STAB2: variants seen among roughly 807,000 people sequenced by gnomAD.
The protein encoded by STAB2 is stabilin-2.
STAB2 carries 288 observed loss-of-function variants against 338.1 expected under a neutral mutation model. That is an observed-to-expected ratio of 0.85 (90% CI 0.77 to 0.94). The LOEUF is 0.94. Ranked by LOEUF, STAB2 falls within the 40% of genes least tolerant of loss-of-function variation. STAB2 has a pLI of 0.00. For synonymous variants in STAB2, 1,202 were observed against 1,193.3 expected (o/e 1.01, Z -0.15); for missense variants, 3,141 against 3,210.1 (o/e 0.98, Z 0.52).
intron 1 of STAB2, among the ~76,000 whole-genome samples, chr12:103,588,566 A>G (rs1956748853): frequency 6.6e-6 from 1 of 152,222 alleles, no homozygotes; most frequent in African/African-American, 2.4e-5. Context: ...ATCAGACCTT[A>G]ACTAATTTAA....
intron 3 of STAB2, 126 bp downstream of exon 3, chr12:103,594,636 G>A (rs1956849638): frequency 1.4e-6 from 1 of 740,532 alleles, no homozygotes; most frequent in Non-Finnish European, 2.3e-6. Flanking sequence ...TTCTGTGTTA[G>A]TCTATATGTA....
rs780383248 is a variant in STAB2 at position 103,713,752 on chromosome 12, TG to T, written c.4523del (p.Gly1508AlafsTer53). 2 of 1,613,910 alleles carry T rather than the reference TG, an allele frequency of 1.2e-6. No individual in the cohort carries two copies. The highest frequency in any genetic ancestry group is 1.7e-6 in the Non-Finnish European group (2 of 1,179,856). ...CGTGCAAAGCAGGCTACACGGGTGA[TG>T]GCATTGTGTGCCTGGGTAGGTGTCC... ...CTCKAGYTGD[G>X]IVCLEINPCL... On this transcript the variant is annotated frameshift_variant, in exon 42 of 69. Coordinates refer to ENST00000388887, the MANE Select transcript of STAB2 (RefSeq NM_017564.10). LOFTEE classifies it high-confidence loss of function.
chr12:103,666,354 G>T lies in STAB2; in HGVS notation c.2085+1G>T, dbSNP rs753789435. The T allele has an allele frequency of 6.2e-7, 1 of 1,614,192 alleles. No individual in the cohort carries two copies. The highest frequency in any genetic ancestry group is 8.5e-7 in the Non-Finnish European group (1 of 1,180,018). Reference sequence around the variant, plus strand: ...ATGTCCTGCTAACTCTGAGCCCACAGTGAGTGTGACAGCTTCATGAAAGCA... The same window carrying T: ...ATGTCCTGCTAACTCTGAGCCCACATTGAGTGTGACAGCTTCATGAAAGCA... On this transcript the variant is annotated splice_donor_variant, in intron 19 of 68. Coordinates refer to ENST00000388887, the MANE Select transcript of STAB2 (RefSeq NM_017564.10). LOFTEE classifies it high-confidence loss of function.
chr12:103,746,479 G>C, intron 57 of STAB2, 118 bp from the exon 58 acceptor site: 1 of 876,156 alleles, frequency 1.1e-6, no homozygotes, highest in South Asian at 1.5e-5. Flanking sequence ...TCTTCCTGCT[G>C]TACAGGGGCA....
Position 103,739,568 on chromosome 12 carries a change from T to TGC in STAB2, c.5754+101_5754+102insCG, listed in dbSNP as rs1256552556. The TGC allele has an allele frequency of 5.2e-6, 4 of 771,166 alleles. No individual in the cohort carries two copies. The East Asian group carries it at 1.1e-4, about 21-fold the overall frequency. 47.8% of individuals were successfully genotyped at this position (771,166 alleles called of 1,614,324 possible). A position where few individuals can be genotyped will look rare whatever the true frequency, so the allele number is the denominator to read the frequency against. On this transcript the variant is annotated intron_variant, in intron 54 of 68. Coordinates refer to ENST00000388887, the MANE Select transcript of STAB2 (RefSeq NM_017564.10). ...GTGTGTGTGTGTGTGTGTGTGTGTGTGTGTGCCCGTGCACGTATGTTGCAT... is the reference window on the plus strand; with the variant it reads ...GTGTGTGTGTGTGTGTGTGTGTGTGTGCGTGTGCCCGTGCACGTATGTTGCAT...
intron 23 of STAB2, among the ~76,000 whole-genome samples, chr12:103,675,602 G>A (rs1017247876): frequency 6.6e-6 from 1 of 152,246 alleles, no homozygotes; most frequent in Admixed American, 6.5e-5. Flanking sequence ...TCTGCTAAAC[G>A]CTCAGTGTGC....
chr12:103,713,700 G>C lies in STAB2; in HGVS notation c.4469G>C (p.Arg1490Thr). 6.2e-7 allele frequency: 1 copy of C among 1,614,112 alleles called. No homozygotes were observed. The highest frequency in any genetic ancestry group is 1.1e-5 in the South Asian group (1 of 91,078). ...TGCTCTGCCAAGGCTGACTGTAAGA[G>C]AACCACCCCAGGAAGGCGAGTGTGC... is the stretch of plus-strand genomic sequence containing the variant. ...GGCSAKADCK[R>T]TTPGRRVCTC... Residue 1490 changes from arginine (R) to threonine (T), a missense_variant, in exon 42 of 69, where the codon AGA becomes ACA. Coordinates refer to ENST00000388887, the MANE Select transcript of STAB2 (RefSeq NM_017564.10).
chr12:103,724,006 G>C (rs536824900), intron 44 of STAB2, among the ~76,000 whole-genome samples: 1 of 152,146 alleles, frequency 6.6e-6, no homozygotes, highest in African/African-American at 2.4e-5. Context: ...TGGGGACAGG[G>C]GTGGTAGAGG....
intron 33 of STAB2, among the ~76,000 whole-genome samples, chr12:103,696,263 G>C (rs895773760): frequency 3.9e-5 from 6 of 152,114 alleles, no homozygotes; most frequent in African/African-American, 9.7e-5. Flanking sequence ...TGGGAGAAAA[G>C]AGTGGGCTCA....
chr12:103,675,812 A>T, intron 23 of STAB2, 116 bp from the exon 24 acceptor site: 1 of 732,576 alleles, frequency 1.4e-6, no homozygotes, highest in South Asian at 1.9e-5. Flanking sequence ...GGCTTCCTCC[A>T]CAGGAGCAAA....
chr12:103,625,433 A>G (rs112993553), intron 5 of STAB2, among the ~76,000 whole-genome samples: 13,540 of 152,242 alleles, frequency 0.089, 890 homozygotes, highest in Non-Finnish European at 0.13. Context: ...ATATGTGTAC[A>G]TGTGCAATGT....
chr12:103,606,799 A>G (rs1441684876), intron 3 of STAB2, among the ~76,000 whole-genome samples: 1 of 152,188 alleles, frequency 6.6e-6, no homozygotes, highest in Non-Finnish European at 1.5e-5. Context: ...CCTGGCTAAC[A>G]TGGTGAAACC....
intron 27 of STAB2, among the ~76,000 whole-genome samples, chr12:103,685,451 TGTGCGCGTGCGTGTGTGTGTGC>T (rs1037115666): frequency 3.6e-5 from 5 of 138,046 alleles, no homozygotes; most frequent in East Asian, 5.2e-4. Context: ...TGTGTGTGTG[TGTGCGCGTGCGTGTGTGTGTGC>T]GTGCGCGCAT....
At chr12:103,635,275 T>C (rs934429908) in intron 6 of STAB2, among the ~76,000 whole-genome samples, 1 of 152,216 alleles carries the variant, frequency 6.6e-6, no homozygotes, top group Admixed American at 6.5e-5. Context: ...CTCGTGATAA[T>C]GGAGCTGGGC....
At chr12:103,688,253 T>C (rs1393317994) in intron 28 of STAB2, 38 bp downstream of exon 28, 6 of 1,602,050 alleles carry the variant, frequency 3.7e-6, no homozygotes, top group Non-Finnish European at 5.1e-6. Flanking sequence ...TGGGAATGTA[T>C]ATATTTTAGA....
chr12:103,740,632 T>G lies in STAB2; in HGVS notation c.5757T>G (p.Gly1919=), dbSNP rs1362121112. 6.2e-7 allele frequency: 1 copy of G among 1,611,324 alleles called. No homozygotes were observed. The highest frequency in any genetic ancestry group is 1.7e-5 in the Admixed American group (1 of 59,618). ...PSCPRWSKPK[G]VKQKCLYNLP... is the part of the protein sequence containing the mutation. ...GATGGTCCACTCTCTTCCCTTAGGG[T>G]GTGAAGCAGAAGTGTCTCTACAACC... The change falls in exon 55 of 69, where the codon GGT becomes GGG. Residue 1919 remains glycine (G), a splice_region_variant and synonymous_variant. Transcript: ENST00000388887.
At chr12:103,660,048 G>T (rs1874476317) in intron 15 of STAB2, among the ~76,000 whole-genome samples, 1 of 152,090 alleles carries the variant, frequency 6.6e-6, no homozygotes, top group South Asian at 2.1e-4. Context: ...TTTGAATGTC[G>T]GTATTACCAC....
At chr12:103,697,074 C>T (rs1414694045) in intron 33 of STAB2, among the ~76,000 whole-genome samples, 1 of 152,136 alleles carries the variant, frequency 6.6e-6, no homozygotes, top group Non-Finnish European at 1.5e-5. Context: ...TCCTCACCAC[C>T]TCCTAAATTA....
chr12:103,696,557 A>G (rs902021259), intron 33 of STAB2, among the ~76,000 whole-genome samples: 2 of 152,236 alleles, frequency 1.3e-5, no homozygotes, highest in African/African-American at 4.8e-5. Context: ...GATCCACAAA[A>G]GAGTTTTAAG....
Sources: gnomAD v4.1 joint callset for allele counts (sites outside exome capture counted in the v4.1 genomes callset) on GRCh38, gnomAD v4.1.1 for gene constraint, MANE v1.5 for transcripts, NCBI Gene and HGNC (gene_info 2026-07-23, HGNC 2026-07-21) for gene names.